FRS3: variants seen among roughly 807,000 people sequenced by gnomAD.
The protein encoded by FRS3 is fibroblast growth factor receptor substrate 3.
In FRS3, 17 loss-of-function variants were observed where a neutral mutation model predicts 41.9. The observed-to-expected ratio is 0.41, with a 90% CI of 0.28 to 0.61. FRS3 has a LOEUF of 0.61. Among genes scored for constraint, FRS3 ranks in the 20% least tolerant of loss-of-function variants. The probability of loss-of-function intolerance (pLI) is 0.36; values close to 1 mark genes in which losing one functional copy is unlikely to be tolerated. For synonymous variants in FRS3, 287 were observed against 274.5 expected, an observed-to-expected ratio of 1.05 and a Z score of -0.45; for missense variants, 619 against 672.1, an observed-to-expected ratio of 0.92 and a Z score of 0.87.
In FRS3 at chr6:41,770,402, G is replaced by C; in HGVS notation, c.*217C>G. On this transcript the variant is annotated 3_prime_UTR_variant, in exon 7 of 7. Coordinates refer to ENST00000373018, the MANE Select transcript of FRS3 (RefSeq NM_006653.5). ...CAGTTGACGTCTCGGCTCCCTCCTC[G>C]CCTGGTCACCCTTCTCTCCCCAGCC... The C allele has an allele frequency of 1.7e-6, 1 of 594,896 alleles. No homozygotes were observed. Among genetic ancestry groups the C allele is most frequent in the East Asian group, 2.8e-5 (1 of 35,638 alleles). 36.9% of individuals were successfully genotyped at this position (594,896 alleles called of 1,614,324 possible). A position where few individuals can be genotyped will look rare whatever the true frequency, so the allele number is the denominator to read the frequency against.
rs138079167 is a variant in FRS3, at chr6:41,771,428, G to C, written c.670C>G (p.Arg224Gly). The change falls in exon 7 of 7, where the codon CGG (arginine) becomes GGG (glycine). Residue 224 changes from arginine (R) to glycine (G), a missense_variant. By Grantham distance (125) the Arg-to-Gly change is moderately radical. Around this residue, in one of 3 missense-constraint regions of FRS3, gnomAD observed 487 missense variants for 478.3 expected, o/e 1.02. Coordinates refer to ENST00000373018, the MANE Select transcript of FRS3 (RefSeq NM_006653.5). The stretch of plus-strand genomic sequence containing the variant: ...TGTGGGTCCCGTTGGTCAGGTCCCC[G>C]GGCCTGCGGGAGGAAGGGTGCCTGA... ...EGQAPFLPQA[R>G]GPDQRDPQVF... 3.2e-5 allele frequency: 52 copies of C among 1,612,422 alleles called. No homozygotes were observed. The highest frequency in any genetic ancestry group is 1.6e-4 in the Middle Eastern group (1 of 6,068).
chr6:41,776,622 TC>T (rs529855120), intron 3 of FRS3: 248 of 335,112 alleles, frequency 7.4e-4, no homozygotes, highest in African/African-American at 5.1e-3. Context: ...TTTTGTTTTC[TC>T]TAAAAAAAAA....
chr6:41,772,085 C>T, intron 5 of FRS3, 121 bp from the exon 6 acceptor site: 1 of 811,566 alleles, frequency 1.2e-6, no homozygotes, highest in Non-Finnish European at 1.9e-6. Flanking sequence ...CAGGGCGTCA[C>T]AGTGGTTAAA....
intron 4 of FRS3, among the ~76,000 whole-genome samples, chr6:41,774,469 G>C (rs1016582471): frequency 2.0e-5 from 3 of 152,150 alleles, no homozygotes; most frequent in Non-Finnish European, 4.4e-5. Context: ...TTAAACTCTG[G>C]CACGGGAAGG....
intron 3 of FRS3, 177 bp downstream of exon 3, chr6:41,776,745 C>A: frequency 3.2e-6 from 2 of 615,442 alleles, no homozygotes; most frequent in South Asian, 4.0e-5. Flanking sequence ...CAGCAGTGGT[C>A]TGGGCCTCTT....
At chr6:41,773,057 C>G (rs1455366177) in intron 4 of FRS3, 98 bp from the exon 5 acceptor site, 1 of 951,900 alleles carries the variant, frequency 1.1e-6, no homozygotes, top group South Asian at 1.4e-5. Flanking sequence ...CAACTCCAGT[C>G]CCAGGCCTGT....
Position 41,771,895 on chromosome 6 carries a change from C to A in FRS3, c.485G>T (p.Arg162Leu), listed in dbSNP as rs199959552. The A allele has an allele frequency of 6.4e-7, 1 of 1,555,822 alleles. No individual in the cohort carries two copies. Among genetic ancestry groups the A allele is most frequent in the Non-Finnish European group, 8.7e-7 (1 of 1,149,302 alleles). The change falls in exon 6 of 7, where the codon CGG (arginine) becomes CTG (leucine). Residue 162 changes from arginine to leucine, a missense_variant. This residue lies in a region of FRS3 where 487 missense variants were observed against 478.3 expected (regional missense o/e 1.02). Coordinates refer to ENST00000373018, the MANE Select transcript of FRS3 (RefSeq NM_006653.5). ...CCGCAGGCTGCTTGTCGAGAGCCGC[C>A]GGGGAGCTGAGAATCGTGGGCCCTC... is the stretch of plus-strand genomic sequence containing the variant. ...PGEGPRFSAP[R>L]RLSTSSLRHP...
chr6:41,771,146 C>T lies in FRS3; in HGVS notation c.952G>A (p.Ala318Thr), dbSNP rs201048548. Residue 318 changes from alanine to threonine, a missense_variant, in exon 7 of 7, where the codon GCC becomes ACC. Ala to Thr is a moderately conservative substitution (Grantham distance 58). This residue lies in a region of FRS3 where 487 missense variants were observed against 478.3 expected (regional missense o/e 1.02). Transcript: ENST00000373018. Reference sequence around the variant, plus strand: ...GGCAGGTTCTCATAGTGCAGCAGGGCGGCCCGGCGGTGGGCAAGGCCATTC... The same window carrying T: ...GGCAGGTTCTCATAGTGCAGCAGGGTGGCCCGGCGGTGGGCAAGGCCATTC... ...GWNGLAHRRA[A>T]LLHYENLPPL... 7 of 1,557,930 alleles carry T rather than the reference C, an allele frequency of 4.5e-6. No homozygotes were observed. Among genetic ancestry groups the T allele is most frequent in the South Asian group, 3.7e-5 (3 of 82,060 alleles).
intron 6 of FRS3, 61 bp from the exon 7 acceptor site, chr6:41,771,594 G>T: frequency 7.3e-7 from 1 of 1,360,768 alleles, no homozygotes; most frequent in Non-Finnish European, 1.0e-6. Flanking sequence ...GAGAACAGAA[G>T]GGACAGGATG....
At chr6:41,774,744 A>G (rs1016199552) in intron 4 of FRS3, among the ~76,000 whole-genome samples, 4 of 152,186 alleles carry the variant, frequency 2.6e-5, no homozygotes, top group African/African-American at 4.8e-5. Context: ...CACAACTAAG[A>G]CACAATTAGC....
At chr6:41,778,472 C>G (rs1772456182) in intron 1 of FRS3, among the ~76,000 whole-genome samples, 1 of 152,136 alleles carries the variant, frequency 6.6e-6, no homozygotes, top group African/African-American at 2.4e-5. Flanking sequence ...ACACCAAAAC[C>G]ATCACCTTAC....
chr6:41,779,644 G>C (rs1326787477), intron 1 of FRS3, among the ~76,000 whole-genome samples, 172 bp downstream of exon 1: 1 of 151,980 alleles, frequency 6.6e-6, no homozygotes, highest in East Asian at 1.9e-4. Flanking sequence ...GGAATGAGGA[G>C]GTCTGGGTGC....
Position 41,771,196 on chromosome 6 carries a change from C to T in FRS3, c.902G>A (p.Arg301Lys). The change falls in exon 7 of 7, where the codon AGA becomes AAA. Residue 301 changes from arginine to lysine, a missense_variant. Around this residue, in one of 3 missense-constraint regions of FRS3, gnomAD observed 487 missense variants for 478.3 expected, o/e 1.02. Transcript: ENST00000373018. ...CCAGCCCGGCTCCTCTGGGCTCAGT[C>T]TCCAGCCAGCCCCTCGCCACAGCCC... is the stretch of plus-strand genomic sequence containing the variant. ...TGGLWRGAGWRLSPEEPGWNG... is the reference protein window; with the variant it reads ...TGGLWRGAGWKLSPEEPGWNG... 1 of 1,560,400 alleles carries T rather than the reference C, an allele frequency of 6.4e-7. No individual in the cohort carries two copies. The highest frequency in any genetic ancestry group is 8.7e-7 in the Non-Finnish European group (1 of 1,149,866).
Position 41,776,910 on chromosome 6 carries a change from G to A in FRS3, c.66+12C>T. The A allele has an allele frequency of 8.1e-6, 13 of 1,609,796 alleles. No homozygotes were observed. The highest frequency in any genetic ancestry group is 1.1e-5 in the Non-Finnish European group (13 of 1,176,058). On this transcript the variant is annotated intron_variant, in intron 3 of 6. Coordinates refer to ENST00000373018, the MANE Select transcript of FRS3 (RefSeq NM_006653.5). Reference sequence around the variant, plus strand: ...ATGTTGGGAACACAGGAGAGGAGAGGGCTCTGGGTACCTTGAACTTGGTGG... The same window carrying A: ...ATGTTGGGAACACAGGAGAGGAGAGAGCTCTGGGTACCTTGAACTTGGTGG...
chr6:41,778,595 C>T (rs1772458216), intron 1 of FRS3, among the ~76,000 whole-genome samples: 1 of 152,164 alleles, frequency 6.6e-6, no homozygotes, highest in South Asian at 2.1e-4. Flanking sequence ...AGTTTTGTTG[C>T]TACTAAGTAT....
intron 5 of FRS3, among the ~76,000 whole-genome samples, chr6:41,772,331 C>A (rs1772316652): frequency 6.6e-6 from 1 of 152,182 alleles, no homozygotes; most frequent in Non-Finnish European, 1.5e-5. Context: ...TTTCTCCTGT[C>A]CCCCATGGGC....
Position 41,772,886 on chromosome 6 carries a change from G to A in FRS3, c.327C>T (p.Ser109=). The A allele has an allele frequency of 1.9e-6, 3 of 1,613,590 alleles. No individual in the cohort carries two copies. The highest frequency in any genetic ancestry group is 2.5e-6 in the Non-Finnish European group (3 of 1,179,740). Residue 109 remains serine (S), a synonymous_variant, in exon 5 of 7, where the codon AGC becomes AGT. Transcript: ENST00000373018. ...TGACAGGCTCTTCCATCACATTGATGCTGTTGCACTGCATCAGATCCTGAA... is the reference window on the plus strand; with the variant it reads ...TGACAGGCTCTTCCATCACATTGATACTGTTGCACTGCATCAGATCCTGAA... ...NLLQDLMQCN[S]INVMEEPVII... is the part of the protein sequence containing the mutation.
rs1772387924 is a variant in FRS3, at chr6:41,775,407, C to T, written c.253+12G>A. The T allele has an allele frequency of 3.1e-6, 5 of 1,603,414 alleles. No individual in the cohort carries two copies. Among genetic ancestry groups the T allele is most frequent in the Non-Finnish European group, 4.3e-6 (5 of 1,175,972 alleles). ...GCCCCTATCCCAGGGTGGAGCAGGG[C>T]CTGGTACTCACCCTGGCCTGTCTGA... On this transcript the variant is annotated intron_variant, in intron 4 of 6. Coordinates refer to ENST00000373018, the MANE Select transcript of FRS3 (RefSeq NM_006653.5).
At chr6:41,774,099 G>A (rs968537109) in intron 4 of FRS3, among the ~76,000 whole-genome samples, 31 of 151,902 alleles carry the variant, frequency 2.0e-4, no homozygotes, top group African/African-American at 7.0e-4. Flanking sequence ...ACAGGTGCCC[G>A]CTACCATGCC....
Sources: gnomAD v4.1 joint callset for allele counts (sites outside exome capture counted in the v4.1 genomes callset) on GRCh38, gnomAD v4.1.1 for gene constraint, gnomAD v4.1.1 regional missense constraint, MANE v1.5 for transcripts, NCBI Gene and HGNC (gene_info 2026-07-23, HGNC 2026-07-21) for gene names.